PCDHA13: variants seen among roughly 807,000 people sequenced by gnomAD.
PCDHA13 encodes protocadherin alpha 13.
PCDHA13 carries 54 observed loss-of-function variants against 64.8 expected under a neutral mutation model. The observed-to-expected ratio is 0.83, with a 90% confidence interval of 0.67 to 1.04. PCDHA13 has a LOEUF of 1.04. Ranked by LOEUF, PCDHA13 falls within the 50% of genes least tolerant of loss-of-function variation. The pLI, the probability that PCDHA13 is intolerant of heterozygous loss-of-function variation, is 0.00. For missense variants in PCDHA13, 1,248 were observed against 1,254.3 expected, an observed-to-expected ratio of 0.99 and a Z score of 0.08; for synonymous variants, 587 against 564.4, an observed-to-expected ratio of 1.04 and a Z score of -0.57.
At chr5:140,963,952 G>T (rs1466185819) in intron 1 of PCDHA13, among the ~76,000 whole-genome samples, 1 of 152,176 alleles carries the variant, frequency 6.6e-6, no homozygotes, top group Non-Finnish European at 1.5e-5. Context: ...TTAGTCACTG[G>T]CAGGAGTGTG....
intron 1 of PCDHA13, among the ~76,000 whole-genome samples, chr5:140,922,066 C>A (rs1438475640): frequency 2.0e-5 from 3 of 151,528 alleles, no homozygotes; most frequent in Non-Finnish European, 4.4e-5. Context: ...TGTAGCAATC[C>A]CACTAAGCAA....
intron 1 of PCDHA13, among the ~76,000 whole-genome samples, chr5:140,935,894 C>CTT (rs55841305): frequency 0.3 from 41,439 of 136,538 alleles, 6,640 homozygotes; most frequent in East Asian, 0.49. Context: ...TCAATATTAT[C>CTT]TTTTTTTTTT....
intron 1 of PCDHA13, among the ~76,000 whole-genome samples, chr5:140,914,381 T>C (rs192645626): frequency 1.7e-4 from 26 of 152,352 alleles, no homozygotes; most frequent in Admixed American, 2.6e-4. Flanking sequence ...TTATCTGTTA[T>C]AAGTGTAGTT....
At chr5:140,892,111 A>G (rs918433393) in intron 1 of PCDHA13, among the ~76,000 whole-genome samples, 3 of 152,206 alleles carry the variant, frequency 2.0e-5, no homozygotes, top group Admixed American at 2.0e-4. Context: ...CTTGGCATTT[A>G]TATCTGGAAC....
chr5:140,883,623 C>T lies in PCDHA13; in HGVS notation c.1355C>T (p.Ala452Val), dbSNP rs782045250. Residue 452 changes from alanine to valine, a missense_variant, in exon 1 of 4, where the codon GCG (alanine) becomes GTG (valine). Transcript: ENST00000289272. Reference sequence around the variant, plus strand: ...GGGGTGGCCGACGTGAACGACAACGCGCCGGCGTTCGCGCAGCCCGAGTAC... The same window carrying T: ...GGGGTGGCCGACGTGAACGACAACGTGCCGGCGTTCGCGCAGCCCGAGTAC... ...SVGVADVNDNAPAFAQPEYTV... is the reference protein window; with the variant it reads ...SVGVADVNDNVPAFAQPEYTV... 3 of 1,613,988 alleles carry T rather than the reference C, an allele frequency of 1.9e-6. No individual in the cohort carries two copies. The highest frequency in any genetic ancestry group is 4.5e-5 in the East Asian group (2 of 44,878).
At chr5:140,946,797 CAG>C (rs1279078142) in intron 1 of PCDHA13, among the ~76,000 whole-genome samples, 2 of 151,052 alleles carry the variant, frequency 1.3e-5, no homozygotes, top group Non-Finnish European at 3.0e-5. Context: ...CTTATAGAAG[CAG>C]AGAGTATAAC....
chr5:140,913,489 G>C (rs1428566821), intron 1 of PCDHA13, among the ~76,000 whole-genome samples: 1 of 151,754 alleles, frequency 6.6e-6, no homozygotes, highest in Non-Finnish European at 1.5e-5. Context: ...TTCTTCATTA[G>C]TCTGTTTAAA....
intron 3 of PCDHA13, among the ~76,000 whole-genome samples, chr5:140,993,762 A>G (rs1019928055): frequency 2.6e-5 from 4 of 152,204 alleles, no homozygotes; most frequent in Non-Finnish European, 4.4e-5. Flanking sequence ...TTATATTACA[A>G]TTGCGCAGTA....
At chr5:141,008,341 T>C (rs1307430556) in intron 3 of PCDHA13, among the ~76,000 whole-genome samples, 2 of 152,132 alleles carry the variant, frequency 1.3e-5, no homozygotes, top group African/African-American at 4.8e-5. Context: ...TGATGGAGCT[T>C]TTCACGTGTC....
intron 1 of PCDHA13, among the ~76,000 whole-genome samples, chr5:140,896,094 AGC>A (rs2065382019): frequency 6.6e-6 from 1 of 152,148 alleles, no homozygotes; most frequent in Non-Finnish European, 1.5e-5. Context: ...TACAGGCGTG[AGC>A]CACTGTGCCT....
At chr5:140,958,946 ATAT>A (rs34256413) in intron 1 of PCDHA13, among the ~76,000 whole-genome samples, 85,222 of 151,486 alleles carry the variant, frequency 0.56, 24,557 homozygotes, top group African/African-American at 0.69. Flanking sequence ...TAATAATATT[ATAT>A]TATTATAATT....
intron 3 of PCDHA13, among the ~76,000 whole-genome samples, chr5:140,984,589 T>C (rs2097109638): frequency 6.6e-6 from 1 of 152,186 alleles, no homozygotes; most frequent in Non-Finnish European, 1.5e-5. Flanking sequence ...ATCATACTTT[T>C]CAATACATAC....
At chr5:140,920,835 C>T (rs1253933771) in intron 1 of PCDHA13, among the ~76,000 whole-genome samples, 1 of 141,740 alleles carries the variant, frequency 7.1e-6, no homozygotes, top group Non-Finnish European at 1.5e-5. Flanking sequence ...GGAGCAAGAC[C>T]AAATCTAAAA....
intron 1 of PCDHA13, chr5:140,927,852 A>C: frequency 6.2e-7 from 1 of 1,614,218 alleles, no homozygotes; most frequent in Non-Finnish European, 8.5e-7. Flanking sequence ...TCTTTGGTTT[A>C]GCTAGCACCG....
In PCDHA13 at chr5:141,011,794, G is replaced by A. The variant is rs782200485; in HGVS notation, c.*1857G>A. 2 of 153,664 alleles carry A rather than the reference G, an allele frequency of 1.3e-5. No individual in the cohort carries two copies. The highest frequency in any genetic ancestry group is 2.9e-5 in the Non-Finnish European group (2 of 68,028). The allele number at this position is 153,664 out of a possible 1,614,324, so 9.5% of individuals were successfully genotyped here. ...ATGCTTTGAAATTCTAATGGTATCT[G>A]AAATATCAGCTCATAGAAAGTAACA... On this transcript the variant is annotated 3_prime_UTR_variant, in exon 4 of 4. Coordinates refer to ENST00000289272, the MANE Select transcript of PCDHA13 (RefSeq NM_018904.3).
chr5:140,884,186 G>T lies in PCDHA13; in HGVS notation c.1918G>T (p.Val640Leu). The T allele has an allele frequency of 6.2e-7, 1 of 1,613,444 alleles. No individual in the cohort carries two copies. Among genetic ancestry groups the T allele is most frequent in the East Asian group, 2.2e-5 (1 of 44,868 alleles). Residue 640 changes from valine (V) to leucine (L), a missense_variant, in exon 1 of 4, where the codon GTG becomes TTG. Physicochemically the swap from Val to Leu is conservative, Grantham distance 32. Coordinates refer to ENST00000289272, the MANE Select transcript of PCDHA13 (RefSeq NM_018904.3). ...EISTTRPLDE[V>L]DAPHHRLLVL... ...CAGCACGACGCGCCCTCTGGACGAG[G>T]TGGACGCGCCGCACCACCGCCTTCT...
At chr5:140,962,928 A>G (rs1447478531) in intron 1 of PCDHA13, among the ~76,000 whole-genome samples, 5 of 152,186 alleles carry the variant, frequency 3.3e-5, no homozygotes, top group African/African-American at 1.2e-4. Flanking sequence ...GATACTTCTC[A>G]ACCTCCTCTC....
rs150205860 is a variant in PCDHA13 at position 140,883,142 on chromosome 5, G to T, written c.874G>T (p.Ala292Ser). The T allele has an allele frequency of 3.1e-6, 5 of 1,613,886 alleles. No individual in the cohort carries two copies. In the African/African-American group the frequency reaches 6.7e-5, roughly 22 times the overall value. The change falls in exon 1 of 4, where the codon GCA becomes TCA. Residue 292 changes from alanine to serine, a missense_variant. Transcript: ENST00000289272. ...GCCTGTATGGCCTGCAGTGGTATAT[G>T]CATTTACCATAAATCCGAACAATGG... ...RRPVWPAVVYAFTINPNNGEI... is the reference protein window; with the variant it reads ...RRPVWPAVVYSFTINPNNGEI...
chr5:140,913,035 T>C (rs1277110200), intron 1 of PCDHA13, among the ~76,000 whole-genome samples: 2 of 152,242 alleles, frequency 1.3e-5, no homozygotes, highest in African/African-American at 4.8e-5. Context: ...TCATCAGATA[T>C]ATTGGCCTGG....
Sources: gnomAD v4.1 joint callset for allele counts (sites outside exome capture counted in the v4.1 genomes callset) on GRCh38, gnomAD v4.1.1 for gene constraint, MANE v1.5 for transcripts, NCBI Gene and HGNC (gene_info 2026-07-23, HGNC 2026-07-21) for gene names.